PGLYRP4: variants seen among roughly 807,000 people sequenced by gnomAD.
The protein encoded by PGLYRP4 is peptidoglycan recognition protein 4, also known as PGRP-I-beta.
PGLYRP4 carries 39 observed loss-of-function variants against 41.2 expected under a neutral mutation model. That is an observed-to-expected ratio of 0.95 (90% CI 0.73 to 1.24). The LOEUF is 1.24. Among genes scored for constraint, PGLYRP4 ranks in the 50% most tolerant of loss-of-function variants. The pLI, the probability that PGLYRP4 is intolerant of heterozygous loss-of-function variation, is 0.00. For synonymous variants in PGLYRP4, 202 were observed against 186.8 expected (o/e 1.08, Z -0.66); for missense variants, 467 against 460.7 (o/e 1.01, Z -0.13).
chr1:153,336,771 A>G (rs1170563410), intron 8 of PGLYRP4, among the ~76,000 whole-genome samples: 2 of 152,192 alleles, frequency 1.3e-5, no homozygotes, highest in Non-Finnish European at 2.9e-5. Context: ...GAGCCATGAC[A>G]ATTCTCAGTG....
chr1:153,333,395 C>T (rs921258996), intron 8 of PGLYRP4, among the ~76,000 whole-genome samples: 1 of 152,012 alleles, frequency 6.6e-6, no homozygotes, highest in Admixed American at 6.6e-5. Context: ...ATTAATAGAC[C>T]AATAACAAAT....
At chr1:153,343,578 C>T (rs1299011482) in intron 4 of PGLYRP4, among the ~76,000 whole-genome samples, 3 of 152,144 alleles carry the variant, frequency 2.0e-5, no homozygotes, top group Non-Finnish European at 4.4e-5. Context: ...GTGTGTGCTG[C>T]CTGTGTGATC....
chr1:153,340,476 C>A lies in PGLYRP4; in HGVS notation c.729G>T (p.Gly243=). 6.2e-7 allele frequency: 1 copy of A among 1,614,182 alleles called. No homozygotes were observed. The highest frequency in any genetic ancestry group is 2.2e-5 in the East Asian group (1 of 44,878). Residue 243 remains glycine (G), a synonymous_variant, in exon 7 of 9, where the codon GGG becomes GGT. Transcript: ENST00000359650. ...ACTCATCAGAAATGTTGCAGGTCCT[C>A]CCGGCAGTGTGGATAATGATGCCAT... The part of the protein sequence containing the change: ...AKYGIIIHTA[G]RTCNISDECR...
chr1:153,342,366 T>G (rs910059114), intron 5 of PGLYRP4, among the ~76,000 whole-genome samples: 3 of 152,198 alleles, frequency 2.0e-5, no homozygotes, highest in Non-Finnish European at 4.4e-5. Flanking sequence ...CTGATTCCTC[T>G]CCTTCTAGCT....
chr1:153,330,502 G>A lies in PGLYRP4; in HGVS notation c.*265C>T, dbSNP rs1660288327. On this transcript the variant is annotated 3_prime_UTR_variant, in exon 9 of 9. Coordinates refer to ENST00000359650, the MANE Select transcript of PGLYRP4 (RefSeq NM_020393.4). The stretch of plus-strand genomic sequence containing the variant: ...CCAGCCCATTGTCTCACCTGGCTGA[G>A]GAGTTGGGTTTCCAAGGGAGAGGAA... 2 of 271,328 alleles carry A rather than the reference G, an allele frequency of 7.4e-6. No homozygotes were observed. The highest frequency in any genetic ancestry group is 1.4e-5 in the Non-Finnish European group (2 of 139,554). 16.8% of individuals were successfully genotyped at this position (271,328 alleles called of 1,614,324 possible).
At position 153,341,872 on chromosome 1, in the gene PGLYRP4, A is replaced by C. The variant is rs1481541363; in HGVS notation, c.473-93T>G. On this transcript the variant is annotated intron_variant, in intron 5 of 8. Transcript: ENST00000359650. ...GAAGATGCTCTGCCAGCCCCTGCAC[A>C]GCTGATGGAGAGGAAGAAAAGGGAA... 3 of 1,144,092 alleles carry C rather than the reference A, an allele frequency of 2.6e-6. No homozygotes were observed. The Admixed American group carries it at 7.0e-5, about 27-fold the overall frequency. The allele number at this position is 1,144,092 out of a possible 1,614,324, so 70.9% of individuals were successfully genotyped here. A position where few individuals can be genotyped will look rare whatever the true frequency, so the allele number is the denominator to read the frequency against.
chr1:153,345,968 T>C, intron 3 of PGLYRP4, 134 bp downstream of exon 3: 2 of 731,464 alleles, frequency 2.7e-6, no homozygotes, highest in Non-Finnish European at 5.0e-6. Flanking sequence ...GGTTTACTGG[T>C]ACTGCTCTCT....
chr1:153,341,176 T>C (rs1660785723), intron 6 of PGLYRP4, among the ~76,000 whole-genome samples: 1 of 152,230 alleles, frequency 6.6e-6, no homozygotes, highest in Non-Finnish European at 1.5e-5. Context: ...TGTATAAATG[T>C]GTCCAGTCCC....
intron 4 of PGLYRP4, 59 bp from the exon 5 acceptor site, chr1:153,343,267 G>A (rs1298541292): frequency 1.7e-6 from 2 of 1,146,814 alleles, no homozygotes; most frequent in Non-Finnish European, 1.3e-6. Flanking sequence ...CCTGAGAGGT[G>A]AAACCACTTA....
At position 153,341,725 on chromosome 1, in the gene PGLYRP4, G is replaced by T. The variant is rs752865654; in HGVS notation, c.527C>A (p.Ala176Asp). The T allele has an allele frequency of 2.5e-6, 4 of 1,613,910 alleles. No homozygotes were observed. Among genetic ancestry groups the T allele is most frequent in the Non-Finnish European group, 3.4e-6 (4 of 1,179,976 alleles). ...LSAMENLITY[A>D]VQKGHLSSSY... ...GGATGACAGGTGGCCCTTCTGGACAGCATAGGTGATTAGGTTTTCCATGGC... is the reference window on the plus strand; with the variant it reads ...GGATGACAGGTGGCCCTTCTGGACATCATAGGTGATTAGGTTTTCCATGGC... The change falls in exon 6 of 9, where the codon GCT becomes GAT. Residue 176 changes from alanine to aspartate, a missense_variant. Physicochemically the swap from Ala to Asp is moderately radical, Grantham distance 126. Coordinates refer to ENST00000359650, the MANE Select transcript of PGLYRP4 (RefSeq NM_020393.4).
chr1:153,341,681 G>A lies in PGLYRP4; in HGVS notation c.571C>T (p.Leu191Phe). The A allele has an allele frequency of 6.2e-7, 1 of 1,613,866 alleles. No individual in the cohort carries two copies. Among genetic ancestry groups the A allele is most frequent in the Non-Finnish European group, 8.5e-7 (1 of 1,179,970 alleles). Residue 191 changes from leucine to phenylalanine, a missense_variant, in exon 6 of 9, where the codon CTT becomes TTT. By Grantham distance (22) the Leu-to-Phe change is conservative. Transcript: ENST00000359650. ...GCCAGGCAGTTCTCGCCTTTCCCAA[G>A]AAGTGGCTGAACATAACTGGATGAC... ...HLSSSYVQPLLGKGENCLAPR... is the reference protein window; with the variant it reads ...HLSSSYVQPLFGKGENCLAPR...
intron 4 of PGLYRP4, among the ~76,000 whole-genome samples, chr1:153,344,158 A>G (rs1660910113): frequency 6.6e-6 from 1 of 152,230 alleles, no homozygotes; most frequent in South Asian, 2.1e-4. Flanking sequence ...TCTGTAAGAG[A>G]GTAGGCTCTG....
chr1:153,340,885 T>A (rs1158040499), intron 6 of PGLYRP4, among the ~76,000 whole-genome samples: 4 of 152,256 alleles, frequency 2.6e-5, no homozygotes, highest in Admixed American at 1.3e-4. Flanking sequence ...ACTCAAGGCT[T>A]TAATATAATA....
At chr1:153,334,261 A>AG (rs34826938) in intron 8 of PGLYRP4, among the ~76,000 whole-genome samples, 2 of 53,672 alleles carry the variant, frequency 3.7e-5, no homozygotes, top group Non-Finnish European at 1.1e-4. Context: ...AATAACAATC[A>AG]GCTAAGAACC....
chr1:153,346,036 C>G, intron 3 of PGLYRP4, 66 bp downstream of exon 3: 1 of 1,207,916 alleles, frequency 8.3e-7, no homozygotes, highest in Non-Finnish European at 1.2e-6. Flanking sequence ...ACCTCAGAAA[C>G]ATTTCCGATC....
At position 153,330,559 on chromosome 1, in the gene PGLYRP4, CAG is replaced by C. The variant is rs1660290133; in HGVS notation, c.*206_*207del. 1 of 413,616 alleles carries C rather than the reference CAG, an allele frequency of 2.4e-6. No individual in the cohort carries two copies. Among genetic ancestry groups the C allele is most frequent in the Non-Finnish European group, 4.5e-6 (1 of 223,782 alleles). The allele number at this position is 413,616 out of a possible 1,614,324, so 25.6% of individuals were successfully genotyped here. A position where few individuals can be genotyped will look rare whatever the true frequency, so the allele number is the denominator to read the frequency against. ...GAGAGAAGAAATCTGGACTCAGACT[CAG>C]AGGGCTGTGAATGTCCAGCTATGAG... is the stretch of plus-strand genomic sequence containing the variant. On this transcript the variant is annotated 3_prime_UTR_variant, in exon 9 of 9. Coordinates refer to ENST00000359650, the MANE Select transcript of PGLYRP4 (RefSeq NM_020393.4).
In PGLYRP4 at chr1:153,331,966, T is replaced by C. The variant is rs147341565; in HGVS notation, c.944-1021A>G. Among the ~76,000 whole-genome samples the C allele has an allele frequency of 5.0e-3, 761 of 152,252 alleles. 7 individuals are homozygous for C. The highest frequency in any genetic ancestry group is 0.018 in the African/African-American group (736 of 41,548). On this transcript the variant is annotated intron_variant, in intron 8 of 8. Coordinates refer to ENST00000359650, the MANE Select transcript of PGLYRP4 (RefSeq NM_020393.4). ...TATGACAGGAATAAATCCTCACATA[T>C]CAATATTCACCTTAAACGAAAATGA...
At chr1:153,336,165 G>A (rs894876801) in intron 8 of PGLYRP4, among the ~76,000 whole-genome samples, 6 of 151,882 alleles carry the variant, frequency 4.0e-5, no homozygotes, top group Non-Finnish European at 7.4e-5. Flanking sequence ...GAGGTCAGGA[G>A]TTCGAGACAA....
At chr1:153,338,885 G>A (rs1430914393) in intron 7 of PGLYRP4, among the ~76,000 whole-genome samples, 1 of 152,144 alleles carries the variant, frequency 6.6e-6, no homozygotes, top group Non-Finnish European at 1.5e-5. Context: ...TTATTTGTTT[G>A]AATTACTTTT....
Sources: gnomAD v4.1 joint callset for allele counts (sites outside exome capture counted in the v4.1 genomes callset) on GRCh38, gnomAD v4.1.1 for gene constraint, MANE v1.5 for transcripts, NCBI Gene and HGNC (gene_info 2026-07-23, HGNC 2026-07-21) for gene names.